Variants in CTNNA2 observed in about 807,000 individuals in gnomAD.
The protein encoded by CTNNA2 is catenin alpha 2.
In CTNNA2, 42 loss-of-function variants were observed where a neutral mutation model predicts 101.0. The ratio of observed to expected loss-of-function variants is 0.42; its 90% CI spans 0.32 to 0.54. The LOEUF (loss-of-function observed/expected upper bound fraction) is 0.54, where lower values mean the gene tolerates loss of function less well. Ranked by LOEUF, CTNNA2 falls within the 20% of genes least tolerant of loss-of-function variation. CTNNA2 has a pLI of 0.14. For synonymous variants in CTNNA2, 450 were observed against 456.4 expected (o/e 0.99, Z 0.18); for missense variants, 871 against 1,223.1 (o/e 0.71, Z 4.29).
At chr2:80,266,337 G>A (rs575817818) in intron 7 of CTNNA2, among the ~76,000 whole-genome samples, 187 of 152,344 alleles carry the variant, frequency 1.2e-3, no homozygotes, top group Non-Finnish European at 2.2e-3. Context: ...CAATGCCATC[G>A]CCCACAGGGA....
intron 4 of CTNNA2, among the ~76,000 whole-genome samples, chr2:79,449,380 A>G (rs1402560213): frequency 1.3e-5 from 2 of 152,014 alleles, no homozygotes; most frequent in African/African-American, 4.8e-5. Context: ...CCAACATCAG[A>G]AGCAAAAAGG....
intron 7 of CTNNA2, among the ~76,000 whole-genome samples, chr2:80,211,965 TTC>T (rs1445562448): frequency 6.6e-6 from 1 of 152,200 alleles, no homozygotes; most frequent in South Asian, 2.1e-4. Context: ...AAGTATTTTA[TTC>T]TCTTTGTAGC....
chr2:79,811,007 T>G (rs1055363455), intron 3 of CTNNA2, among the ~76,000 whole-genome samples: 3 of 151,312 alleles, frequency 2.0e-5, no homozygotes, highest in Non-Finnish European at 4.4e-5. Flanking sequence ...TGTGTCTTTA[T>G]AGCAGCATGA....
At chr2:79,721,178 G>T (rs565212837) in intron 2 of CTNNA2, among the ~76,000 whole-genome samples, 1 of 151,958 alleles carries the variant, frequency 6.6e-6, no homozygotes, top group Admixed American at 6.6e-5. Context: ...CTTCTGCTCT[G>T]CATATGTCTT....
chr2:79,641,516 C>T (rs898784388), intron 1 of CTNNA2, among the ~76,000 whole-genome samples: 5 of 152,154 alleles, frequency 3.3e-5, no homozygotes, highest in Non-Finnish European at 5.9e-5. Flanking sequence ...CTGTCCAAAT[C>T]TGAATTGCGG....
At chr2:79,210,788 G>C (rs1462869712) in intron 2 of CTNNA2, among the ~76,000 whole-genome samples, 1 of 152,088 alleles carries the variant, frequency 6.6e-6, no homozygotes, top group Non-Finnish European at 1.5e-5. Flanking sequence ...GACATGCAAT[G>C]TTTTTCCTAA....
chr2:80,364,213 C>T (rs1195054016), intron 7 of CTNNA2, among the ~76,000 whole-genome samples: 1 of 152,032 alleles, frequency 6.6e-6, no homozygotes, highest in Non-Finnish European at 1.5e-5. Context: ...AATAACTGTT[C>T]TCCTGTCTTG....
chr2:79,469,408 G>C (rs1166280454), intron 4 of CTNNA2, among the ~76,000 whole-genome samples: 2 of 151,624 alleles, frequency 1.3e-5, no homozygotes, highest in African/African-American at 2.4e-5. Context: ...ACCAAAAAAG[G>C]TCCAGGACCA....
chr2:79,640,857 G>A lies in CTNNA2; in HGVS notation c.-5-10695G>A, dbSNP rs535971744. Among the ~76,000 whole-genome samples, 4 of 152,216 alleles carry A rather than the reference G, an allele frequency of 2.6e-5. No homozygotes were observed. In the East Asian group the frequency reaches 5.8e-4, roughly 22 times the overall value. ...TCTTAATGAGTTTATAACCTGGTGG[G>A]TTATGTCAAACTAATGTCAATTTCT... is the stretch of plus-strand genomic sequence containing the variant. On this transcript the variant is annotated intron_variant, in intron 1 of 18. Coordinates refer to ENST00000402739, the MANE Select transcript of CTNNA2 (RefSeq NM_001282597.3).
intron 7 of CTNNA2, among the ~76,000 whole-genome samples, chr2:80,188,694 T>C (rs1419434224): frequency 1.3e-5 from 2 of 152,184 alleles, no homozygotes; most frequent in African/African-American, 4.8e-5. Context: ...TTGTCTATCC[T>C]GTTCACAGCA....
intron 3 of CTNNA2, among the ~76,000 whole-genome samples, chr2:79,846,272 C>T (rs547603418): frequency 1.3e-5 from 2 of 152,276 alleles, no homozygotes; most frequent in African/African-American, 4.8e-5. Flanking sequence ...TAGCCAAAGA[C>T]TCCTTTAGAA....
At chr2:79,862,258 C>A (rs1404973199) in intron 4 of CTNNA2, among the ~76,000 whole-genome samples, 1 of 152,074 alleles carries the variant, frequency 6.6e-6, no homozygotes, top group Non-Finnish European at 1.5e-5. Context: ...CCTTAGTCAG[C>A]TTCTCCAGAA....
intron 4 of CTNNA2, among the ~76,000 whole-genome samples, chr2:79,429,709 A>G (rs542866609): frequency 1.3e-5 from 2 of 152,328 alleles, no homozygotes; most frequent in Admixed American, 6.5e-5. Flanking sequence ...TTTAAACTGA[A>G]TAAGAGTTTT....
intron 15 of CTNNA2, among the ~76,000 whole-genome samples, chr2:80,593,915 A>G (rs1200530581): frequency 6.6e-6 from 1 of 152,172 alleles, no homozygotes; most frequent in Non-Finnish European, 1.5e-5. Flanking sequence ...CCTTTTGGCT[A>G]TTATGAATAA....
chr2:80,574,752 C>G (rs781029317), intron 13 of CTNNA2, among the ~76,000 whole-genome samples: 4 of 152,148 alleles, frequency 2.6e-5, no homozygotes, highest in Admixed American at 6.6e-5. Context: ...ATTACATTCT[C>G]TTTGTATAAA....
At chr2:79,521,070 TGAAAG>T (rs1349857912) in intron 1 of CTNNA2, among the ~76,000 whole-genome samples, 2 of 135,936 alleles carry the variant, frequency 1.5e-5, no homozygotes, top group African/African-American at 5.4e-5. Context: ...AATTCCTATT[TGAAAG>T]TTACCCCTTT....
At chr2:79,329,217 A>C (rs922428752) in intron 3 of CTNNA2, among the ~76,000 whole-genome samples, 1 of 152,184 alleles carries the variant, frequency 6.6e-6, no homozygotes, top group Non-Finnish European at 1.5e-5. Context: ...AAGGCCTCAA[A>C]TAGCAGGGCC....
At chr2:79,603,989 T>C (rs537542789) in intron 1 of CTNNA2, among the ~76,000 whole-genome samples, 1 of 152,290 alleles carries the variant, frequency 6.6e-6, no homozygotes, top group African/African-American at 2.4e-5. Flanking sequence ...GGACCCTGAC[T>C]TGGGGGACAG....
intron 7 of CTNNA2, among the ~76,000 whole-genome samples, chr2:80,386,917 A>G (rs1462794974): frequency 6.6e-6 from 1 of 152,182 alleles, no homozygotes; most frequent in South Asian, 2.1e-4. Flanking sequence ...CATGGATCCA[A>G]TGGAAGCACC....
Sources: allele counts gnomAD v4.1 joint callset (sites outside exome capture counted in the v4.1 genomes callset), GRCh38; gene constraint gnomAD v4.1.1; transcripts MANE v1.5; gene names NCBI Gene and HGNC (gene_info 2026-07-23, HGNC 2026-07-21).